PARD3: variants seen among roughly 807,000 people sequenced by gnomAD.
PARD3 encodes partitioning defective 3 homolog.
Under a neutral mutation model 155.4 loss-of-function variants are expected in PARD3, and 75 were observed. That is an observed-to-expected ratio of 0.48 (90% CI 0.40 to 0.58). The LOEUF (loss-of-function observed/expected upper bound fraction) is 0.58, where lower values mean the gene tolerates loss of function less well. PARD3 is among the 20% of genes least tolerant of loss of function. The pLI is 0.00. For missense variants in PARD3, 1,642 were observed against 1,721.7 expected (o/e 0.95, Z 0.82); for synonymous variants, 576 against 610.5 (o/e 0.94, Z 0.83).
intron 2 of PARD3, among the ~76,000 whole-genome samples, chr10:34,660,497 T>C (rs2093295335): frequency 6.6e-6 from 1 of 152,088 alleles, no homozygotes; most frequent in Non-Finnish European, 1.5e-5. Context: ...TGCACGGGGC[T>C]GCACTACACA....
chr10:34,270,798 T>C (rs762650366), intron 21 of PARD3, among the ~76,000 whole-genome samples: 7 of 152,200 alleles, frequency 4.6e-5, no homozygotes, highest in Non-Finnish European at 1.0e-4. Context: ...CTAGAAGGCA[T>C]GTATCCAATC....
At chr10:34,789,335 A>G (rs186933423) in intron 1 of PARD3, among the ~76,000 whole-genome samples, 1 of 152,332 alleles carries the variant, frequency 6.6e-6, no homozygotes, top group Admixed American at 6.5e-5. Flanking sequence ...ACATGGGAAG[A>G]CACCGATAAA....
chr10:34,792,332 G>C (rs1446032101), intron 1 of PARD3, among the ~76,000 whole-genome samples: 1 of 152,122 alleles, frequency 6.6e-6, no homozygotes, highest in Non-Finnish European at 1.5e-5. Flanking sequence ...CGACGCGCCT[G>C]CCTCAGCCTC....
chr10:34,116,333 C>G (rs1346402580), intron 24 of PARD3, among the ~76,000 whole-genome samples: 1 of 152,158 alleles, frequency 6.6e-6, no homozygotes, highest in African/African-American at 2.4e-5. Flanking sequence ...TACTTTTTTT[C>G]TGTGTGTAAT....
chr10:34,576,463 G>A (rs921123712), intron 2 of PARD3, among the ~76,000 whole-genome samples: 1 of 151,808 alleles, frequency 6.6e-6, no homozygotes, highest in Non-Finnish European at 1.5e-5. Flanking sequence ...CTCTTTACAT[G>A]TTAAGGCAAG....
chr10:34,269,507 T>A, intron 22 of PARD3, 150 bp downstream of exon 22: 1 of 770,716 alleles, frequency 1.3e-6, no homozygotes, highest in Non-Finnish European at 2.1e-6. Flanking sequence ...TCAATTTGTG[T>A]AAACTCAATA....
chr10:34,189,868 A>T (rs1950632934), intron 22 of PARD3, among the ~76,000 whole-genome samples: 1 of 152,352 alleles, frequency 6.6e-6, no homozygotes, highest in East Asian at 1.9e-4. Flanking sequence ...ATTTGTTGCC[A>T]ATGATAAAAT....
intron 22 of PARD3, among the ~76,000 whole-genome samples, chr10:34,243,248 C>T (rs938804157): frequency 2.0e-5 from 3 of 152,158 alleles, no homozygotes; most frequent in Non-Finnish European, 4.4e-5. Context: ...GAAATGCTCT[C>T]ATCCCACCTG....
intron 22 of PARD3, among the ~76,000 whole-genome samples, chr10:34,226,831 A>T (rs902545611): frequency 2.6e-5 from 4 of 152,184 alleles, no homozygotes; most frequent in Non-Finnish European, 4.4e-5. Flanking sequence ...TGAATGAATT[A>T]AAAAAAGTAG....
At chr10:34,814,322 G>C (rs895257587) in intron 1 of PARD3, among the ~76,000 whole-genome samples, 1 of 152,098 alleles carries the variant, frequency 6.6e-6, no homozygotes, top group African/African-American at 2.4e-5. Flanking sequence ...CCTACCAGCA[G>C]GGGACATGGA....
rs1406707951 is a variant in PARD3 at position 34,196,428 on chromosome 10, T to C, written c.3420-64845A>G. On this transcript the variant is annotated intron_variant, in intron 22 of 24. Coordinates refer to ENST00000374788, the MANE Select transcript of PARD3 (RefSeq NM_001184785.2). ...CTGGTTCTTATGTTGATGACAATTT[T>C]TGATACCAGACAGGATGGTCCTAGC... is the stretch of plus-strand genomic sequence containing the variant. Among the ~76,000 whole-genome samples, 7 of 152,196 alleles carry C rather than the reference T, an allele frequency of 4.6e-5. No individual in the cohort carries two copies. In the East Asian group the frequency reaches 1.3e-3, roughly 29 times the overall value.
At chr10:34,644,506 A>G (rs1287523137) in intron 2 of PARD3, among the ~76,000 whole-genome samples, 1 of 152,220 alleles carries the variant, frequency 6.6e-6, no homozygotes, top group Non-Finnish European at 1.5e-5. Context: ...ATTTGTGCTC[A>G]AGGTTTCAGG....
intron 1 of PARD3, among the ~76,000 whole-genome samples, chr10:34,778,442 G>A (rs1277555412): frequency 6.6e-6 from 1 of 152,196 alleles, no homozygotes; most frequent in Non-Finnish European, 1.5e-5. Flanking sequence ...GAATGAAGGG[G>A]AACAGACTTC....
At chr10:34,709,226 G>A (rs1210065785) in intron 1 of PARD3, among the ~76,000 whole-genome samples, 2 of 152,050 alleles carry the variant, frequency 1.3e-5, no homozygotes, top group Non-Finnish European at 2.9e-5. Context: ...CACATAACCA[G>A]AAGGTAATTT....
At chr10:34,450,982 G>C (rs930903482) in intron 4 of PARD3, among the ~76,000 whole-genome samples, 1 of 152,172 alleles carries the variant, frequency 6.6e-6, no homozygotes, top group South Asian at 2.1e-4. Context: ...TACTTCACAA[G>C]ATAGCAGTCA....
chr10:34,767,486 G>A (rs1412039669), intron 1 of PARD3, among the ~76,000 whole-genome samples: 2 of 152,062 alleles, frequency 1.3e-5, no homozygotes, highest in East Asian at 1.9e-4. Flanking sequence ...GACGGACTCC[G>A]TGACTTTTTA....
chr10:34,457,532 A>G (rs1445863560), intron 4 of PARD3, among the ~76,000 whole-genome samples: 1 of 152,216 alleles, frequency 6.6e-6, no homozygotes, highest in Non-Finnish European at 1.5e-5. Flanking sequence ...TAAATTGTGG[A>G]GATGAGGATG....
intron 10 of PARD3, among the ~76,000 whole-genome samples, chr10:34,375,708 T>C (rs1453675876): frequency 6.6e-6 from 1 of 152,194 alleles, no homozygotes; most frequent in Non-Finnish European, 1.5e-5. Flanking sequence ...AGAGCATATG[T>C]TTCCTTTAAA....
intron 2 of PARD3, among the ~76,000 whole-genome samples, chr10:34,610,245 C>A (rs1026671517): frequency 6.6e-6 from 1 of 152,100 alleles, no homozygotes; most frequent in Non-Finnish European, 1.5e-5. Flanking sequence ...AATCAATAAT[C>A]CAGGTACCTA....
Sources: gnomAD v4.1 joint callset for allele counts (sites outside exome capture counted in the v4.1 genomes callset) on GRCh38, gnomAD v4.1.1 for gene constraint, MANE v1.5 for transcripts, NCBI Gene and HGNC (gene_info 2026-07-23, HGNC 2026-07-21) for gene names.